SPTB: variants seen among roughly 807,000 people sequenced by gnomAD.
The protein encoded by SPTB is spectrin beta, erythrocytic.
Under a neutral mutation model 256.2 loss-of-function variants are expected in SPTB, and 45 were observed. The observed-to-expected ratio is 0.18, with a 90% CI of 0.14 to 0.23. The LOEUF is 0.23. SPTB is among the 10% of genes least tolerant of loss of function. The pLI, the probability that SPTB is intolerant of heterozygous loss-of-function variation, is 1.00. For missense variants in SPTB, 2,715 were observed against 3,040.4 expected (o/e 0.89, Z 2.52); for synonymous variants, 1,231 against 1,243.1 (o/e 0.99, Z 0.21).
In SPTB at chr14:64,844,014, T is replaced by A. The variant is rs1004888326; in HGVS notation, c.-51-20869A>T. On this transcript the variant is annotated intron_variant, in intron 1 of 35. Transcript: ENST00000644917. The surrounding 1 kb of genome is among the most constrained non-coding windows in gnomAD (Gnocchi z 4.1). ...CTAATGTGTTTTATCAAATTGTTTT[T>A]AATTATAAAAGTGACATATGCCAGG... Among the ~76,000 whole-genome samples the A allele has an allele frequency of 1.3e-5, 2 of 152,166 alleles. No individual in the cohort carries two copies. The highest frequency in any genetic ancestry group is 1.3e-4 in the Admixed American group (2 of 15,274).
chr14:64,876,575 C>T (rs1882836126), intron 1 of SPTB, among the ~76,000 whole-genome samples: 1 of 152,118 alleles, frequency 6.6e-6, no homozygotes, highest in African/African-American at 2.4e-5. Flanking sequence ...CCCCATGCCC[C>T]CCAAAAATGG....
At chr14:64,813,204 G>A (rs2083123579) in intron 2 of SPTB, among the ~76,000 whole-genome samples, 1 of 152,134 alleles carries the variant, frequency 6.6e-6, no homozygotes, top group Admixed American at 6.5e-5. Flanking sequence ...AACAACAGAT[G>A]TCATAAAGAA....
rs1218034994 is a variant in SPTB at position 64,749,203 on chromosome 14, A to G, written c.*103T>C. 2 of 1,409,422 alleles carry G rather than the reference A, an allele frequency of 1.4e-6. No individual in the cohort carries two copies. The highest frequency in any genetic ancestry group is 1.4e-5 in the African/African-American group (1 of 69,774). The allele number at this position is 1,409,422 out of a possible 1,614,324, so 87.3% of individuals were successfully genotyped here. ...GCCCGGGGGCCCGGCCCGCGACTCG[A>G]CTCATCTCGATTCGACCGGCGGGCG... On this transcript the variant is annotated 3_prime_UTR_variant, in exon 36 of 36. Transcript: ENST00000644917. This position sits in a 1 kb window ranked among gnomAD's most constrained non-coding sequence, Gnocchi z 4.7.
chr14:64,787,252 C>G, intron 15 of SPTB, 92 bp from the exon 16 acceptor site: 2 of 1,518,842 alleles, frequency 1.3e-6, no homozygotes, highest in Non-Finnish European at 1.8e-6. Context: ...CCACATTTCC[C>G]ACAAGTCTCC....
At position 64,758,516 on chromosome 14, in the gene SPTB, G is replaced by A. The variant is rs1434491103; in HGVS notation, c.6346-4723C>T. On this transcript the variant is annotated intron_variant, in intron 32 of 35. Coordinates refer to ENST00000644917, the MANE Select transcript of SPTB (RefSeq NM_001355436.2). This position sits in a 1 kb window ranked among gnomAD's most constrained non-coding sequence, Gnocchi z 4.6. ...CAGAAGCCAAAGGCAGAGGCCCCAG[G>A]TCCGGCCAAAGACAACGGCGTGCTG... 2.0e-5 allele frequency among the ~76,000 whole-genome samples: 3 copies of A among 152,266 alleles called. No homozygotes were observed. Among genetic ancestry groups the A allele is most frequent in the Admixed American group, 2.0e-4 (3 of 15,290 alleles).
chr14:64,776,906 G>A (rs2082367388), intron 22 of SPTB, among the ~76,000 whole-genome samples: 1 of 152,180 alleles, frequency 6.6e-6, no homozygotes, highest in Non-Finnish European at 1.5e-5. Flanking sequence ...ATAGAAACAA[G>A]AGAAATGAAA....
chr14:64,818,503 C>T (rs1293273359), intron 2 of SPTB, among the ~76,000 whole-genome samples: 2 of 152,186 alleles, frequency 1.3e-5, no homozygotes, highest in Non-Finnish European at 2.9e-5. Flanking sequence ...ACTCCCTGCT[C>T]TCCCTTCTGG....
At chr14:64,798,877 A>G (rs1259893809) in intron 9 of SPTB, among the ~76,000 whole-genome samples, 1 of 152,232 alleles carries the variant, frequency 6.6e-6, no homozygotes, top group Non-Finnish European at 1.5e-5. Flanking sequence ...AATGAGCTAG[A>G]AGCCTATTTC....
In SPTB at chr14:64,782,532, C is replaced by T; in HGVS notation, c.4024G>A (p.Glu1342Lys). The change falls in exon 20 of 36, where the codon GAG becomes AAG. Residue 1342 changes from glutamate (E) to lysine (K), a missense_variant. By Grantham distance (56) the Glu-to-Lys change is moderately conservative (BLOSUM62 1). Transcript: ENST00000644917. ...ACCAGGGCTGTAAACTGGGGCTTCT[C>T]ATCCATCAGCTGCTTTCCTTCCTAG... The part of the protein sequence containing the change: ...IDAEGKQLMD[E>K]KPQFTALVSQ... The T allele has an allele frequency of 3.1e-6, 5 of 1,613,978 alleles. No individual in the cohort carries two copies. Among genetic ancestry groups the T allele is most frequent in the Non-Finnish European group, 4.2e-6 (5 of 1,180,040 alleles).
intron 1 of SPTB, among the ~76,000 whole-genome samples, chr14:64,836,769 A>G (rs982457631): frequency 6.6e-6 from 1 of 152,246 alleles, no homozygotes; most frequent in Non-Finnish European, 1.5e-5. Context: ...TGCCTTGCAC[A>G]TGGTAGGTAC....
At chr14:64,839,162 A>G (rs2083568347) in intron 1 of SPTB, among the ~76,000 whole-genome samples, 3 of 152,342 alleles carry the variant, frequency 2.0e-5, no homozygotes, top group Non-Finnish European at 2.9e-5. Context: ...AAATATTTAT[A>G]GTGGCTTTAT....
At chr14:64,859,306 T>C (rs1289154510) in intron 1 of SPTB, among the ~76,000 whole-genome samples, 1 of 152,210 alleles carries the variant, frequency 6.6e-6, no homozygotes, top group African/African-American at 2.4e-5. Context: ...GTATGGTTCT[T>C]CCCTATCATG....
At position 64,775,375 on chromosome 14, in the gene SPTB, G is replaced by A. The variant is rs149999354; in HGVS notation, c.4592C>T (p.Thr1531Met). The change falls in exon 23 of 36, where the codon ACG becomes ATG. Residue 1531 changes from threonine to methionine, a missense_variant. Physicochemically the swap from Thr to Met is moderately conservative, Grantham distance 81. Coordinates refer to ENST00000644917, the MANE Select transcript of SPTB (RefSeq NM_001355436.2). This position sits in a 1 kb window ranked among gnomAD's most constrained non-coding sequence, Gnocchi z 5.0. ...QTLQNEILGHTPRVEDVLQRG... is the reference protein window; with the variant it reads ...QTLQNEILGHMPRVEDVLQRG... ...CTGCAGCACATCCTCAACCCGCGGC[G>A]TATGGCCCAGAATCTCATTCTGCAG... 31 of 1,612,838 alleles carry A rather than the reference G, an allele frequency of 1.9e-5. No homozygotes were observed. Among genetic ancestry groups the A allele is most frequent in the South Asian group, 1.1e-4 (10 of 91,038 alleles).
At position 64,749,370 on chromosome 14, in the gene SPTB, G is replaced by A; in HGVS notation, c.6923C>T (p.Pro2308Leu). The A allele has an allele frequency of 1.2e-6, 2 of 1,610,448 alleles. No individual in the cohort carries two copies. The highest frequency in any genetic ancestry group is 1.7e-6 in the Non-Finnish European group (2 of 1,179,754). Reference protein sequence around the residue: ...QSLPLPSLSGPDASLGKKDKE... With the variant: ...QSLPLPSLSGLDASLGKKDKE... ...GTCTTTCTTGCCGAGGCTGGCGTCG[G>A]GGCCGGAGAGGGAAGGCAGGGGCAG... Residue 2308 changes from proline to leucine, a missense_variant, in exon 36 of 36, where the codon CCC becomes CTC. Pro to Leu is a moderately conservative substitution (Grantham distance 98). This residue lies in a region of SPTB where 2,239 missense variants were observed against 2,384.4 expected (regional missense o/e 0.94). Transcript: ENST00000644917. This position sits in a 1 kb window ranked among gnomAD's most constrained non-coding sequence, Gnocchi z 4.7.
chr14:64,795,215 C>T lies in SPTB; in HGVS notation c.1644+122G>A. On this transcript the variant is annotated intron_variant, in intron 12 of 35. Transcript: ENST00000644917. The surrounding 1 kb of genome is among the most constrained non-coding windows in gnomAD (Gnocchi z 6.5). The stretch of plus-strand genomic sequence containing the variant: ...TAGACACTTTGCTGCCTCAGTTTCT[C>T]TATTTTGACTCAGAGATATGACTGG... The T allele has an allele frequency of 8.4e-7, 1 of 1,195,848 alleles. No individual in the cohort carries two copies. The highest frequency in any genetic ancestry group is 1.2e-6 in the Non-Finnish European group (1 of 855,090). The allele number at this position is 1,195,848 out of a possible 1,614,324, so 74.1% of individuals were successfully genotyped here. A position where few individuals can be genotyped will look rare whatever the true frequency, so the allele number is the denominator to read the frequency against.
At chr14:64,869,755 T>G (rs918757996) in intron 1 of SPTB, among the ~76,000 whole-genome samples, 3 of 149,810 alleles carry the variant, frequency 2.0e-5, no homozygotes, top group Admixed American at 6.7e-5. Flanking sequence ...CCTGAGTAGC[T>G]GGAACTACAG....
rs2082710257 is a variant in SPTB at position 64,793,403 on chromosome 14, C to T, written c.2260G>A (p.Asp754Asn). The change falls in exon 14 of 36, where the codon GAC becomes AAC. Residue 754 changes from aspartate (D) to asparagine (N), a missense_variant. This residue lies in a region of SPTB where 2,239 missense variants were observed against 2,384.4 expected (regional missense o/e 0.94). Coordinates refer to ENST00000644917, the MANE Select transcript of SPTB (RefSeq NM_001355436.2). The surrounding 1 kb of genome is among the most constrained non-coding windows in gnomAD (Gnocchi z 7.0). ...NFFQFQGDAD[D>N]LKAWLQDAHR... is the part of the protein sequence containing the mutation. ...GCGTCTTGCAGCCAAGCCTTCAGGT[C>T]ATCCGCATCGCCCTGGAACTGGAAA... 1 of 1,613,490 alleles carries T rather than the reference C, an allele frequency of 6.2e-7. No individual in the cohort carries two copies. Among genetic ancestry groups the T allele is most frequent in the East Asian group, 2.2e-5 (1 of 44,890 alleles).
intron 1 of SPTB, among the ~76,000 whole-genome samples, chr14:64,855,248 T>C (rs545675087): frequency 6.6e-6 from 1 of 152,324 alleles, no homozygotes; most frequent in South Asian, 2.1e-4. Flanking sequence ...AAGGTGTCCA[T>C]GTGAAGACAA....
At chr14:64,770,110 G>T (rs1009299617) in intron 27 of SPTB, among the ~76,000 whole-genome samples, 1 of 152,230 alleles carries the variant, frequency 6.6e-6, no homozygotes, top group Non-Finnish European at 1.5e-5. Context: ...TATATGAAAT[G>T]TCCAGAACAG....
Sources: gnomAD v4.1 joint callset for allele counts (sites outside exome capture counted in the v4.1 genomes callset) on GRCh38, gnomAD v4.1.1 for gene constraint, gnomAD v4.1.1 regional missense constraint, Gnocchi (gnomAD v3.1) non-coding constraint, MANE v1.5 for transcripts, NCBI Gene and HGNC (gene_info 2026-07-23, HGNC 2026-07-21) for gene names.